The following LIMS1 variants were observed in gnomAD, a reference collection of about 807,000 sequenced individuals.
The protein encoded by LIMS1 is LIM and senescent cell antigen-like-containing domain protein 1.
In LIMS1, 18 loss-of-function variants were observed where a neutral mutation model predicts 44.1. The observed-to-expected ratio is 0.41, with a 90% CI of 0.28 to 0.61. The LOEUF is 0.61. Among genes scored for constraint, LIMS1 ranks in the 20% least tolerant of loss-of-function variants. The pLI is 0.32. For missense variants in LIMS1, 201 were observed against 422.0 expected, an observed-to-expected ratio of 0.48 and a Z score of 4.59; for synonymous variants, 93 against 149.1, an observed-to-expected ratio of 0.62 and a Z score of 2.74.
chr2:108,673,388 T>A, intron 5 of LIMS1: 1 of 290,378 alleles, frequency 3.4e-6, no homozygotes, highest in Non-Finnish European at 6.5e-6. Flanking sequence ...TTTTTGTAAA[T>A]TTTTTTTTGC....
intron 2 of LIMS1, chr2:108,660,804 G>A (rs1691309724): frequency 5.7e-6 from 1 of 176,946 alleles, no homozygotes; most frequent in Middle Eastern, 5.0e-4. Context: ...AAATGAAGGT[G>A]AGAGTGAGGT....
chr2:108,658,915 C>T (rs1295859348), intron 1 of LIMS1, among the ~76,000 whole-genome samples: 1 of 152,276 alleles, frequency 6.6e-6, no homozygotes, highest in Non-Finnish European at 1.5e-5. Context: ...CTTCCTTTAA[C>T]TAATTAGCCT....
At chr2:108,534,682 G>A (rs1280491333) in intron 1 of LIMS1, 88 bp downstream of exon 1, 2 of 789,164 alleles carry the variant, frequency 2.5e-6, no homozygotes, top group Non-Finnish European at 3.1e-6. Flanking sequence ...CCTGGCGCGG[G>A]CGGGCGGCCG....
At chr2:108,538,743 A>G (rs1336773454) in intron 1 of LIMS1, among the ~76,000 whole-genome samples, 1 of 152,204 alleles carries the variant, frequency 6.6e-6, no homozygotes, top group Non-Finnish European at 1.5e-5. Context: ...TATTTTAACC[A>G]TTTTTGAGTG....
intron 1 of LIMS1, among the ~76,000 whole-genome samples, chr2:108,608,239 C>T (rs1397590876): frequency 1.3e-5 from 2 of 151,766 alleles, no homozygotes; most frequent in Non-Finnish European, 2.9e-5. Context: ...CATGGGATTC[C>T]GTCTTTCCTT....
chr2:108,572,045 A>G (rs1685496693), intron 1 of LIMS1, among the ~76,000 whole-genome samples: 1 of 152,188 alleles, frequency 6.6e-6, no homozygotes, highest in African/African-American at 2.4e-5. Context: ...ATATACATGA[A>G]TGCATGTTGA....
At chr2:108,552,596 G>GTGTGTGTA (rs1202364424) in intron 1 of LIMS1, among the ~76,000 whole-genome samples, 14 of 149,142 alleles carry the variant, frequency 9.4e-5, no homozygotes, top group African/African-American at 2.5e-5. Context: ...GTGTGTGTGT[G>GTGTGTGTA]TGTGTGTGTG....
At chr2:108,567,805 C>G (rs1440573912) in intron 1 of LIMS1, among the ~76,000 whole-genome samples, 1 of 152,196 alleles carries the variant, frequency 6.6e-6, no homozygotes, top group Non-Finnish European at 1.5e-5. Flanking sequence ...CTCCTGACCT[C>G]AAATGATCCT....
intron 1 of LIMS1, among the ~76,000 whole-genome samples, chr2:108,586,359 G>A (rs186123217): frequency 1.3e-5 from 2 of 152,328 alleles, no homozygotes; most frequent in East Asian, 3.9e-4. Context: ...AAGAAGGAAA[G>A]TGGCTGTCTG....
In LIMS1 at chr2:108,679,360, A is replaced by T. The variant is rs185776787; in HGVS notation, c.823+1333A>T. ...CTGGGTGTGGTGGTGCATGCCTATG[A>T]TCCCAGCTACTCGGGAGGCTGAGAC... On this transcript the variant is annotated intron_variant, in intron 8 of 9. Coordinates refer to ENST00000544547, the Ensembl canonical transcript of LIMS1. Among the ~76,000 whole-genome samples, 22 of 152,024 alleles carry T rather than the reference A, an allele frequency of 1.4e-4. No homozygotes were observed. In the East Asian group the frequency reaches 4.3e-3, roughly 29 times the overall value.
intron 2 of LIMS1, among the ~76,000 whole-genome samples, chr2:108,669,901 A>G (rs2148993461): frequency 6.6e-6 from 1 of 152,344 alleles, no homozygotes; most frequent in South Asian, 2.1e-4. Context: ...ATAGTATAAA[A>G]AAATTAATAT....
chr2:108,679,987 G>C (rs1460373569), intron 8 of LIMS1, among the ~76,000 whole-genome samples: 1 of 151,860 alleles, frequency 6.6e-6, no homozygotes, highest in African/African-American at 2.4e-5. Flanking sequence ...CATTTTGGGA[G>C]ACCGAGGCAG....
upstream of LIMS1, chr2:108,534,033 G>C (rs1358594107): frequency 1.3e-5 from 2 of 153,366 alleles, no homozygotes; most frequent in African/African-American, 4.8e-5. Flanking sequence ...AGCCACGCGA[G>C]TGGAATCAGA....
At chr2:108,587,513 T>C (rs1287951654) in intron 1 of LIMS1, among the ~76,000 whole-genome samples, 2 of 152,062 alleles carry the variant, frequency 1.3e-5, no homozygotes, top group Admixed American at 1.3e-4. Flanking sequence ...TTTTCTTGTT[T>C]TTAAAGATTA....
At chr2:108,590,524 A>G (rs1257643920) in intron 1 of LIMS1, among the ~76,000 whole-genome samples, 1 of 152,248 alleles carries the variant, frequency 6.6e-6, no homozygotes, top group African/African-American at 2.4e-5. Flanking sequence ...AAAAATAACT[A>G]AACATCAGGC....
intron 1 of LIMS1, among the ~76,000 whole-genome samples, chr2:108,556,966 C>T (rs1684943210): frequency 6.6e-6 from 1 of 152,226 alleles, no homozygotes; most frequent in African/African-American, 2.4e-5. Flanking sequence ...GCAGGGATCC[C>T]CCTGACCCCT....
chr2:108,546,233 A>G (rs370811914), intron 1 of LIMS1, among the ~76,000 whole-genome samples: 10 of 142,166 alleles, frequency 7.0e-5, no homozygotes, highest in African/African-American at 2.6e-4. Context: ...TCTGACTTGG[A>G]CTAGTGATTG....
intron 1 of LIMS1, among the ~76,000 whole-genome samples, chr2:108,637,402 A>G (rs1420254975): frequency 6.6e-6 from 1 of 152,140 alleles, no homozygotes; most frequent in African/African-American, 2.4e-5. Flanking sequence ...TTAGTCACAA[A>G]ATAAAAACTC....
At chr2:108,629,327 A>AATGAACTTAGGATGGTCTTCAGAGAT in intron 1 of LIMS1, among the ~76,000 whole-genome samples, 1 of 152,216 alleles carries the variant, frequency 6.6e-6, no homozygotes, top group Non-Finnish European at 1.5e-5. Flanking sequence ...CTTCTCTATG[A>AATGAACTTAGGATGGTCTTCAGAGAT]ATGAACTTAG....
Sources: gnomAD v4.1 joint callset for allele counts (sites outside exome capture counted in the v4.1 genomes callset) on GRCh38, gnomAD v4.1.1 for gene constraint, MANE v1.5 for transcripts, NCBI Gene and HGNC (gene_info 2026-07-23, HGNC 2026-07-21) for gene names.